The following TANC1 variants were observed in gnomAD, a reference collection of about 807,000 sequenced individuals.
TANC1 encodes tetratricopeptide repeat, ankyrin repeat and coiled-coil containing 1, also known as protein TANC1.
A neutral mutation model predicts 149.7 loss-of-function variants in TANC1; 77 were observed. That is an observed-to-expected ratio of 0.51 (90% CI 0.43 to 0.62). The LOEUF (loss-of-function observed/expected upper bound fraction) is 0.62. Among genes scored for constraint, TANC1 ranks in the 20% least tolerant of loss-of-function variants. The pLI, the probability that TANC1 is intolerant of heterozygous loss-of-function variation, is 0.00. For missense variants in TANC1, 1,985 were observed against 2,321.8 expected, an observed-to-expected ratio of 0.85 and a Z score of 2.98; for synonymous variants, 854 against 925.0, an observed-to-expected ratio of 0.92 and a Z score of 1.39.
At chr2:159,153,483 G>A (rs73969462) in intron 7 of TANC1, among the ~76,000 whole-genome samples, 1 of 152,330 alleles carries the variant, frequency 6.6e-6, no homozygotes, top group African/African-American at 2.4e-5. Flanking sequence ...CAGGTTGCAA[G>A]GGCTGTAGAG....
In TANC1 at chr2:159,172,154, C is replaced by T. The variant is rs773824887; in HGVS notation, c.1385C>T (p.Pro462Leu). 3.7e-6 allele frequency: 6 copies of T among 1,614,016 alleles called. No individual in the cohort carries two copies. Among genetic ancestry groups the T allele is most frequent in the Non-Finnish European group, 4.2e-6 (5 of 1,180,020 alleles). ...CCCACTCAGGATCTTCATTTCACTC[C>T]GTTGCTTTCACCGAGTTCTTCCACA... ...SDPTQDLHFT[P>L]LLSPSSSTSA... Residue 462 changes from proline to leucine, a missense_variant, in exon 11 of 27, where the codon CCG (proline) becomes CTG (leucine). Transcript: ENST00000263635.
intron 7 of TANC1, among the ~76,000 whole-genome samples, chr2:159,161,812 C>T (rs1241662996): frequency 1.3e-5 from 2 of 152,326 alleles, no homozygotes; most frequent in Non-Finnish European, 2.9e-5. Context: ...AAAATCAGAT[C>T]CTGAACTCTG....
In TANC1 at chr2:159,111,799, C is replaced by T. The variant is rs575716776; in HGVS notation, c.259+13965C>T. Among the ~76,000 whole-genome samples the T allele has an allele frequency of 6.6e-5, 10 of 152,226 alleles. 1 individual carries two copies. The South Asian group carries it at 1.7e-3, about 25-fold the overall frequency. On this transcript the variant is annotated intron_variant, in intron 4 of 26. Coordinates refer to ENST00000263635, the MANE Select transcript of TANC1 (RefSeq NM_033394.3). ...ATGGAGGCGTCCTCTGAGAACACAG[C>T]GAGTATTATGGAGGCTTCTATCTTG...
chr2:159,011,075 A>T (rs763031839), intron 2 of TANC1, among the ~76,000 whole-genome samples: 1 of 152,160 alleles, frequency 6.6e-6, no homozygotes, highest in Non-Finnish European at 1.5e-5. Flanking sequence ...CACTCTATAA[A>T]TCACACCTAT....
chr2:159,015,830 C>A (rs2038214905), intron 2 of TANC1, among the ~76,000 whole-genome samples: 1 of 152,206 alleles, frequency 6.6e-6, no homozygotes, highest in Admixed American at 6.5e-5. Context: ...TTCTTCATCT[C>A]CTTCTGAGTC....
intron 14 of TANC1, among the ~76,000 whole-genome samples, chr2:159,185,374 T>TA (rs2056877200): frequency 1.3e-5 from 2 of 152,368 alleles, no homozygotes; most frequent in South Asian, 4.1e-4. Flanking sequence ...TTAGATGCCT[T>TA]AGCCTTCTTC....
chr2:159,047,324 C>T (rs1177359049), intron 2 of TANC1, among the ~76,000 whole-genome samples: 2 of 152,022 alleles, frequency 1.3e-5, no homozygotes, highest in Admixed American at 1.3e-4. Context: ...ATTCATCCTT[C>T]AGCCCTCCCT....
At chr2:159,166,730 A>G (rs2054631656) in intron 8 of TANC1, among the ~76,000 whole-genome samples, 1 of 152,318 alleles carries the variant, frequency 6.6e-6, no homozygotes, top group Admixed American at 6.5e-5. Flanking sequence ...GGTGGGGAGC[A>G]CCTGGGCACA....
chr2:159,012,438 ATT>A (rs577781991), intron 2 of TANC1, among the ~76,000 whole-genome samples: 9 of 145,906 alleles, frequency 6.2e-5, no homozygotes, highest in South Asian at 2.2e-4. Context: ...TTGGCACTCT[ATT>A]TTTTTTTTTT....
intron 4 of TANC1, 135 bp downstream of exon 4, chr2:159,097,969 T>A: frequency 2.1e-5 from 15 of 715,426 alleles, no homozygotes; most frequent in Admixed American, 3.1e-5. Flanking sequence ...AAGAAATAAA[T>A]CTTTTTTTTT....
chr2:159,022,966 A>G (rs767658926), intron 2 of TANC1, among the ~76,000 whole-genome samples: 11 of 152,170 alleles, frequency 7.2e-5, no homozygotes, highest in Non-Finnish European at 1.5e-4. Flanking sequence ...GTGTGATGAT[A>G]AACAAATTAG....
intron 7 of TANC1, among the ~76,000 whole-genome samples, chr2:159,151,630 C>G (rs2052820630): frequency 1.3e-5 from 2 of 152,148 alleles, no homozygotes; most frequent in Non-Finnish European, 2.9e-5. Flanking sequence ...TTTGGAAAAC[C>G]AGGCAGCAGG....
In TANC1 at chr2:159,229,935, G is replaced by A. The variant is rs761006466; in HGVS notation, c.4509G>A (p.Ser1503=). The change falls in exon 27 of 27, where the codon TCG becomes TCA. Residue 1503 remains serine (S), a synonymous_variant. Transcript: ENST00000263635. The stretch of plus-strand genomic sequence containing the variant: ...TACAGTCCAAAGGAAGGCCGGTATC[G>A]CCACAGAGCAGGGCAGGAATCGGCA... ...EGLQSKGRPV[S]PQSRAGIGKS... is the part of the protein sequence containing the mutation. The A allele has an allele frequency of 3.5e-5, 56 of 1,613,952 alleles. No homozygotes were observed. Among genetic ancestry groups the A allele is most frequent in the Admixed American group, 1.3e-4 (8 of 60,014 alleles).
At chr2:159,190,102 A>G (rs1474197713) in intron 16 of TANC1, among the ~76,000 whole-genome samples, 2 of 152,192 alleles carry the variant, frequency 1.3e-5, no homozygotes, top group Non-Finnish European at 2.9e-5. Context: ...ATTATTAGCA[A>G]AAGAGTACCT....
At chr2:159,155,234 G>A (rs1431162548) in intron 7 of TANC1, among the ~76,000 whole-genome samples, 1 of 152,184 alleles carries the variant, frequency 6.6e-6, no homozygotes, top group Non-Finnish European at 1.5e-5. Context: ...AAAGAGGATA[G>A]AGCCTGGATG....
At chr2:159,210,906 C>T (rs2058942263) in intron 19 of TANC1, among the ~76,000 whole-genome samples, 1 of 150,188 alleles carries the variant, frequency 6.7e-6, no homozygotes, top group Admixed American at 6.7e-5. Flanking sequence ...GAGTCTTGCT[C>T]TGTCGCCCAG....
At chr2:159,028,899 A>T (rs1313928133) in intron 2 of TANC1, among the ~76,000 whole-genome samples, 1 of 152,188 alleles carries the variant, frequency 6.6e-6, no homozygotes, top group African/African-American at 2.4e-5. Context: ...GACTATAGGC[A>T]TGTGCTGCTA....
At position 159,224,237 on chromosome 2, in the gene TANC1, G is replaced by C; in HGVS notation, c.3684G>C (p.Leu1228=). 6.2e-7 allele frequency: 1 copy of C among 1,614,128 alleles called. No homozygotes were observed. The highest frequency in any genetic ancestry group is 2.2e-5 in the East Asian group (1 of 44,884). The change falls in exon 23 of 27, where the codon CTG becomes CTC. Residue 1228 remains leucine (L), a synonymous_variant. Coordinates refer to ENST00000263635, the MANE Select transcript of TANC1 (RefSeq NM_033394.3). ...AAFYGDAETV[L]YLVEKGAVIE... is the part of the protein sequence containing the mutation. Reference sequence around the variant, plus strand: ...GGCTTCTGCTGTCTCTGCAGGTGCTGTACCTGGTGGAGAAGGGAGCCGTGA... The same window carrying C: ...GGCTTCTGCTGTCTCTGCAGGTGCTCTACCTGGTGGAGAAGGGAGCCGTGA...
chr2:159,198,407 TC>T (rs1286977544), intron 18 of TANC1, among the ~76,000 whole-genome samples: 3 of 152,194 alleles, frequency 2.0e-5, no homozygotes, highest in Non-Finnish European at 4.4e-5. Context: ...CTGCTGTTGC[TC>T]AGGGTGAACG....
Sources: gnomAD v4.1 joint callset for allele counts (sites outside exome capture counted in the v4.1 genomes callset) on GRCh38, gnomAD v4.1.1 for gene constraint, MANE v1.5 for transcripts, NCBI Gene and HGNC (gene_info 2026-07-23, HGNC 2026-07-21) for gene names.